The following AFG2A variants were observed in gnomAD, a reference collection of about 807,000 sequenced individuals.
The protein encoded by AFG2A is ATPase family gene 2 protein homolog A.
At chr4:122,947,032 A>G in the AFG2A span, among the ~76,000 whole-genome samples, 1 of 152,156 alleles carries the variant, frequency 6.6e-6, no homozygotes. Context: ...ACACTGAAAA[A>G]TGTATAATAA....
At chr4:123,053,895 T>C in the AFG2A span, among the ~76,000 whole-genome samples, 1 of 152,154 alleles carries the variant, frequency 6.6e-6, no homozygotes, top group Admixed American at 6.5e-5. Context: ...TAGAGGCTGG[T>C]GAGCATGTCG....
At chr4:123,175,644 A>T in the AFG2A span, among the ~76,000 whole-genome samples, 1 of 152,204 alleles carries the variant, frequency 6.6e-6, no homozygotes, top group South Asian at 2.1e-4. Context: ...TTTCGTGTAC[A>T]TATTCTATTG....
the AFG2A span, among the ~76,000 whole-genome samples, chr4:123,291,628 G>A: frequency 2.6e-5 from 4 of 152,202 alleles, no homozygotes; most frequent in Non-Finnish European, 5.9e-5. Flanking sequence ...AGCACCAGCT[G>A]TGTCTACAGT....
chr4:123,263,082 T>C, the AFG2A span, among the ~76,000 whole-genome samples: 1 of 152,118 alleles, frequency 6.6e-6, no homozygotes, highest in African/African-American at 2.4e-5. Context: ...ATGAAGGAAC[T>C]TGAATATCAT....
At chr4:123,115,404 T>A in the AFG2A span, among the ~76,000 whole-genome samples, 1 of 151,830 alleles carries the variant, frequency 6.6e-6, no homozygotes, top group African/African-American at 2.4e-5. Context: ...GCAGGGTGGG[T>A]GCGGCGACAG....
the AFG2A span, among the ~76,000 whole-genome samples, chr4:122,977,706 T>C: frequency 6.6e-6 from 1 of 152,208 alleles, no homozygotes; most frequent in Admixed American, 6.5e-5. Context: ...TCCTGAGTTC[T>C]TGTGCAGCCT....
the AFG2A span, among the ~76,000 whole-genome samples, chr4:123,228,395 A>T: frequency 7.0e-4 from 107 of 151,934 alleles, no homozygotes; most frequent in African/African-American, 2.4e-3. Context: ...AGCACCATTT[A>T]TTAAAGAGGA....
chr4:123,259,098 C>T, the AFG2A span, among the ~76,000 whole-genome samples: 1 of 152,058 alleles, frequency 6.6e-6, no homozygotes, highest in South Asian at 2.1e-4. Context: ...AACTCCTGAC[C>T]TCAGGTGATC....
chr4:123,078,891 A>C, the AFG2A span, among the ~76,000 whole-genome samples: 8 of 152,162 alleles, frequency 5.3e-5, no homozygotes, highest in Non-Finnish European at 7.3e-5. Flanking sequence ...TCTAACAGCT[A>C]CCTCCGACCA....
chr4:123,036,152 ATATAT>A, the AFG2A span, among the ~76,000 whole-genome samples: 1 of 152,206 alleles, frequency 6.6e-6, no homozygotes, highest in African/African-American at 2.4e-5. Context: ...GTAAACAAAG[ATATAT>A]TAGATGGGCT....
At chr4:123,103,585 T>A in the AFG2A span, among the ~76,000 whole-genome samples, 2 of 152,100 alleles carry the variant, frequency 1.3e-5, no homozygotes. Flanking sequence ...GTTTCATTTT[T>A]AAAAATACAC....
the AFG2A span, among the ~76,000 whole-genome samples, chr4:123,242,437 T>G: frequency 3.9e-5 from 6 of 152,134 alleles, no homozygotes; most frequent in Middle Eastern, 3.4e-3. Context: ...GCCTCAGAAA[T>G]AACACCATGC....
At chr4:123,024,070 GA>G in the AFG2A span, among the ~76,000 whole-genome samples, 1 of 152,078 alleles carries the variant, frequency 6.6e-6, no homozygotes, top group African/African-American at 2.4e-5. Flanking sequence ...TTATCACTTA[GA>G]AAAGCAATGA....
At chr4:123,218,509 T>C in the AFG2A span, among the ~76,000 whole-genome samples, 1 of 152,320 alleles carries the variant, frequency 6.6e-6, no homozygotes, top group South Asian at 2.1e-4. Flanking sequence ...GTGGTGGAGA[T>C]GGTGTTGCTT....
chr4:123,042,279 G>C, the AFG2A span, among the ~76,000 whole-genome samples: 1 of 152,086 alleles, frequency 6.6e-6, no homozygotes, highest in Non-Finnish European at 1.5e-5. Context: ...TCTTCTTAGG[G>C]TTTGCTGCTT....
At chr4:123,238,055 C>G in the AFG2A span, among the ~76,000 whole-genome samples, 2 of 152,210 alleles carry the variant, frequency 1.3e-5, no homozygotes, top group Non-Finnish European at 2.9e-5. Flanking sequence ...ATCCAACACC[C>G]ACGGAGCCTT....
the AFG2A span, chr4:123,028,085 T>C: frequency 1.0e-6 from 1 of 967,492 alleles, no homozygotes. Context: ...ATGGTTCTAT[T>C]CTTTTTTGCA....
chr4:123,064,010 C>A, the AFG2A span, among the ~76,000 whole-genome samples: 1 of 152,118 alleles, frequency 6.6e-6, no homozygotes, highest in South Asian at 2.1e-4. Context: ...TCAAAAAAAT[C>A]GTATATTTCG....
the AFG2A span, among the ~76,000 whole-genome samples, chr4:123,118,344 T>TTA: frequency 1.5e-4 from 5 of 32,378 alleles, no homozygotes; most frequent in East Asian, 5.3e-3. Flanking sequence ...ATATATTATA[T>TTA]TATATATATT....
Sources: gnomAD v4.1 joint callset for allele counts (sites outside exome capture counted in the v4.1 genomes callset) on GRCh38, gnomAD v4.1.1 for gene constraint, MANE v1.5 for transcripts, NCBI Gene and HGNC (gene_info 2026-07-23, HGNC 2026-07-21) for gene names.